The following MAP9 variants were observed in gnomAD, a reference collection of about 807,000 sequenced individuals.
MAP9 encodes the protein microtubule associated protein 9, also known as microtubule-associated protein 9.
A neutral mutation model predicts 75.2 loss-of-function variants in MAP9; 80 were observed. That is an observed-to-expected ratio of 1.06 (90% CI 0.89 to 1.28). The LOEUF is 1.28. Ranked by LOEUF, MAP9 falls within the 50% of genes most tolerant of loss-of-function variation. MAP9 has a pLI of 0.00. For synonymous variants in MAP9, 235 were observed against 237.3 expected, an observed-to-expected ratio of 0.99 and a Z score of 0.09; for missense variants, 753 against 719.9, an observed-to-expected ratio of 1.05 and a Z score of -0.53.
chr4:155,369,669 A>G (rs866536831), intron 4 of MAP9, among the ~76,000 whole-genome samples: 1 of 152,176 alleles, frequency 6.6e-6, no homozygotes, highest in Non-Finnish European at 1.5e-5. Flanking sequence ...TAAGATTATA[A>G]GTGCTATTAT....
intron 6 of MAP9, among the ~76,000 whole-genome samples, chr4:155,361,567 A>G (rs1276612183): frequency 6.6e-6 from 1 of 152,044 alleles, no homozygotes; most frequent in Non-Finnish European, 1.5e-5. Context: ...ACAACACCCT[A>G]TAAGGCAAAT....
At chr4:155,354,907 C>CA (rs1299273708) in intron 10 of MAP9, among the ~76,000 whole-genome samples, 164 bp downstream of exon 10, 1 of 152,140 alleles carries the variant, frequency 6.6e-6, no homozygotes, top group Admixed American at 6.6e-5. Flanking sequence ...ACAGTTATAT[C>CA]AAACTAAAAT....
chr4:155,359,750 G>A (rs1560809012), intron 7 of MAP9, among the ~76,000 whole-genome samples: 1 of 151,964 alleles, frequency 6.6e-6, no homozygotes, highest in African/African-American at 2.4e-5. Flanking sequence ...ATAAACTGTT[G>A]ATAAACATTT....
chr4:155,360,408 A>G lies in MAP9; in HGVS notation c.810T>C (p.Asn270=). Residue 270 remains asparagine, a synonymous_variant, in exon 7 of 14, where the codon AAT becomes AAC. Transcript: ENST00000311277. ...AATTATGGTTTTCAGTGATTTCTTCATTTGGATCTATTTTGAGACAGAGTA... is the reference window on the plus strand; with the variant it reads ...AATTATGGTTTTCAGTGATTTCTTCGTTTGGATCTATTTTGAGACAGAGTA... ...SEGNASGKDP[N]EEITENHNSL... is the part of the protein sequence containing the mutation. 1 of 1,609,236 alleles carries G rather than the reference A, an allele frequency of 6.2e-7. No homozygotes were observed. The highest frequency in any genetic ancestry group is 1.7e-4 in the Middle Eastern group (1 of 6,038).
At chr4:155,352,871 A>G (rs961644151) in intron 12 of MAP9, 41 bp downstream of exon 12, 16 of 1,449,486 alleles carry the variant, frequency 1.1e-5, no homozygotes, top group Non-Finnish European at 1.4e-5. Flanking sequence ...AAGTGTTACT[A>G]TAATTTAAAA....
chr4:155,361,567 A>AT (rs1223916753), intron 6 of MAP9, among the ~76,000 whole-genome samples: 2 of 152,162 alleles, frequency 1.3e-5, no homozygotes, highest in African/African-American at 4.8e-5. Context: ...ACAACACCCT[A>AT]TAAGGCAAAT....
chr4:155,344,512 G>A lies in MAP9; in HGVS notation c.*3271C>T, dbSNP rs2111164104. 1 of 152,040 alleles carries A rather than the reference G, an allele frequency of 6.6e-6. No individual in the cohort carries two copies. The highest frequency in any genetic ancestry group is 6.5e-5 in the Admixed American group (1 of 15,272). The allele number at this position is 152,040 out of a possible 1,614,324, so 9.4% of individuals were successfully genotyped here. ...TATTAAAACCCCTTTCAGAGGCATA[G>A]TTCTATAACTCTAAGGAACATAAGA... On this transcript the variant is annotated 3_prime_UTR_variant, in exon 14 of 14. Coordinates refer to ENST00000311277, the MANE Select transcript of MAP9 (RefSeq NM_001039580.2).
chr4:155,359,342 G>A (rs1047304410), intron 7 of MAP9, among the ~76,000 whole-genome samples: 1 of 151,818 alleles, frequency 6.6e-6, no homozygotes, highest in African/African-American at 2.4e-5. Flanking sequence ...ATCAGAAACA[G>A]AAAGTCAAAT....
At chr4:155,347,928 T>C (rs753071841) in intron 13 of MAP9, 23 bp from the exon 14 acceptor site, 26 of 1,332,670 alleles carry the variant, frequency 2.0e-5, no homozygotes, top group Admixed American at 6.1e-5. Context: ...TAGAACACTA[T>C]AAATTTATGT....
At chr4:155,351,508 T>C (rs1381017088) in intron 13 of MAP9, among the ~76,000 whole-genome samples, 2 of 149,342 alleles carry the variant, frequency 1.3e-5, no homozygotes, top group South Asian at 2.1e-4. Flanking sequence ...TGGCATGAGA[T>C]ACTATAAGGA....
chr4:155,358,769 T>A (rs1026185956), intron 7 of MAP9, among the ~76,000 whole-genome samples: 55 of 151,764 alleles, frequency 3.6e-4, no homozygotes, highest in African/African-American at 1.1e-3. Flanking sequence ...AAAACATGAA[T>A]AGACTTTTTG....
In MAP9 at chr4:155,353,270, G is replaced by A. The variant is rs1731605086; in HGVS notation, c.1451C>T (p.Ala484Val). Residue 484 changes from alanine to valine, a missense_variant, in exon 11 of 14, where the codon GCA becomes GTA. Coordinates refer to ENST00000311277, the MANE Select transcript of MAP9 (RefSeq NM_001039580.2). ...EAWKAMKEKE[A>V]KKIAAKKRLE... ...CCTCTTTTTGGCAGCTATTTTCTTT[G>A]CTTCCTTTTCTTTCATAGCCTTCCA... 1 of 1,605,642 alleles carries A rather than the reference G, an allele frequency of 6.2e-7. No individual in the cohort carries two copies. The highest frequency in any genetic ancestry group is 8.5e-7 in the Non-Finnish European group (1 of 1,176,818).
chr4:155,367,256 A>T (rs1454524583), intron 5 of MAP9: 1 of 152,230 alleles, frequency 6.6e-6, no homozygotes, highest in East Asian at 1.9e-4. Flanking sequence ...GAGAAAGAAG[A>T]GACACAGACA....
Position 155,375,000 on chromosome 4 carries a change from TA to T in MAP9, c.96del (p.Thr33GlnfsTer24). The T allele has an allele frequency of 6.3e-7, 1 of 1,584,382 alleles. No individual in the cohort carries two copies. Among genetic ancestry groups the T allele is most frequent in the Non-Finnish European group, 8.6e-7 (1 of 1,158,210 alleles). On this transcript the variant is annotated frameshift_variant, in exon 3 of 14. Coordinates refer to ENST00000311277, the MANE Select transcript of MAP9 (RefSeq NM_001039580.2). LOFTEE classifies it high-confidence loss of function. ...TTFQDELIRA[I>X]TARSARQRSS... ...CTCCTTTGTCTGGCTGAGCGAGCTGTAATTGCTCTTATTAGCTCATCCTGAA... is the reference window on the plus strand; with the variant it reads ...CTCCTTTGTCTGGCTGAGCGAGCTGTATTGCTCTTATTAGCTCATCCTGAA...
At chr4:155,358,307 C>T (rs912730957) in intron 7 of MAP9, among the ~76,000 whole-genome samples, 2 of 152,172 alleles carry the variant, frequency 1.3e-5, no homozygotes, top group Non-Finnish European at 2.9e-5. Context: ...TTTACACAGA[C>T]TGATGGGTGC....
In MAP9 at chr4:155,375,896, A is replaced by T. The variant is rs1250794009; in HGVS notation, c.-46T>A. On this transcript the variant is annotated 5_prime_UTR_variant, in exon 2 of 14. Coordinates refer to ENST00000311277, the MANE Select transcript of MAP9 (RefSeq NM_001039580.2). ...CTTTATAAAATAGCTAATTATTAGA[A>T]TTCAACTTCTGATAGTAGCTGAAAT... The T allele has an allele frequency of 1.6e-6, 2 of 1,288,956 alleles. No homozygotes were observed. Among genetic ancestry groups the T allele is most frequent in the Admixed American group, 3.8e-5 (2 of 52,944 alleles). 79.8% of individuals were successfully genotyped at this position (1,288,956 alleles called of 1,614,324 possible). A position where few individuals can be genotyped will look rare whatever the true frequency, so the allele number is the denominator to read the frequency against.
At chr4:155,359,717 A>T (rs1312800453) in intron 7 of MAP9, among the ~76,000 whole-genome samples, 1 of 152,096 alleles carries the variant, frequency 6.6e-6, no homozygotes, top group African/African-American at 2.4e-5. Flanking sequence ...ATAACCATCT[A>T]TTTTAAAGAA....
chr4:155,358,971 G>T (rs1731933532), intron 7 of MAP9, among the ~76,000 whole-genome samples: 1 of 152,024 alleles, frequency 6.6e-6, no homozygotes, highest in African/African-American at 2.4e-5. Flanking sequence ...TATACTCTTG[G>T]TAAGAATGTA....
At chr4:155,353,423 CAT>C (rs1373673973) in intron 10 of MAP9, 83 bp from the exon 11 acceptor site, 2 of 1,113,476 alleles carry the variant, frequency 1.8e-6, no homozygotes, top group African/African-American at 3.4e-5. Flanking sequence ...TAAATATACA[CAT>C]ATACATTTAT....
Sources: gnomAD v4.1 joint callset for allele counts (sites outside exome capture counted in the v4.1 genomes callset) on GRCh38, gnomAD v4.1.1 for gene constraint, MANE v1.5 for transcripts, NCBI Gene and HGNC (gene_info 2026-07-23, HGNC 2026-07-21) for gene names.